Variants in KLRG1 observed in about 807,000 individuals in gnomAD.
KLRG1 encodes the protein killer cell lectin-like receptor subfamily G member 1.
Under a neutral mutation model 21.8 loss-of-function variants are expected in KLRG1, and 16 were observed. The ratio of observed to expected loss-of-function variants is 0.73; its 90% CI spans 0.50 to 1.11. KLRG1 has a LOEUF of 1.11. Ranked by LOEUF, KLRG1 falls within the 50% of genes most tolerant of loss-of-function variation. The probability of loss-of-function intolerance (pLI) is 0.00; values close to 1 mark genes in which losing one functional copy is unlikely to be tolerated. For missense variants in KLRG1, 173 were observed against 218.3 expected, an observed-to-expected ratio of 0.79 and a Z score of 1.31; for synonymous variants, 69 against 75.9, an observed-to-expected ratio of 0.91 and a Z score of 0.47.
chr12:8,966,071 AAAAC>A (rs1946466351), intron 1 of KLRG1, among the ~76,000 whole-genome samples: 1 of 152,190 alleles, frequency 6.6e-6, no homozygotes, highest in East Asian at 1.9e-4. Context: ...AAACCTGAGA[AAAAC>A]AAGCAATGGG....
the KLRG1 span, chr12:9,152,903 C>T: frequency 1.9e-6 from 3 of 1,614,118 alleles, no homozygotes; most frequent in Non-Finnish European, 2.5e-6. Flanking sequence ...ACTTTTAAAG[C>T]AAATGGGGAG....
chr12:9,097,412 A>G, the KLRG1 span, among the ~76,000 whole-genome samples: 22 of 152,208 alleles, frequency 1.4e-4, no homozygotes, highest in African/African-American at 4.3e-4. Flanking sequence ...ATGTGAGCAA[A>G]CTACTATTAG....
At chr12:9,159,450 T>C in the KLRG1 span, among the ~76,000 whole-genome samples, 1 of 152,036 alleles carries the variant, frequency 6.6e-6, no homozygotes, top group Admixed American at 6.5e-5. Context: ...AAAACTCATG[T>C]TAAAACTTAA....
the KLRG1 span, chr12:9,110,310 T>C: frequency 1.4e-6 from 2 of 1,466,736 alleles, no homozygotes; most frequent in South Asian, 1.3e-5. Context: ...TTCATGTTGC[T>C]TACCTGAATG....
chr12:8,979,975 A>C (rs1464324078), intron 1 of KLRG1, among the ~76,000 whole-genome samples: 1 of 152,126 alleles, frequency 6.6e-6, no homozygotes. Flanking sequence ...ATCATGGCTC[A>C]CTGCAACCTC....
chr12:9,026,530 G>A, the KLRG1 span, among the ~76,000 whole-genome samples: 1 of 152,102 alleles, frequency 6.6e-6, no homozygotes, highest in Non-Finnish European at 1.5e-5. Context: ...TTTTTGTGGG[G>A]GAAGAAGGAT....
intron 1 of KLRG1, among the ~76,000 whole-genome samples, chr12:8,975,056 T>G (rs754664352): frequency 6.6e-6 from 1 of 151,892 alleles, no homozygotes; most frequent in African/African-American, 2.4e-5. Context: ...TCACCATGCC[T>G]GGCTAATTTT....
At chr12:9,122,951 A>G in the KLRG1 span, among the ~76,000 whole-genome samples, 1 of 152,170 alleles carries the variant, frequency 6.6e-6, no homozygotes, top group Non-Finnish European at 1.5e-5. Flanking sequence ...AGTAATTATA[A>G]ATAACTATTT....
At chr12:9,063,591 T>C in the KLRG1 span, among the ~76,000 whole-genome samples, 2 of 152,174 alleles carry the variant, frequency 1.3e-5, no homozygotes, top group Admixed American at 1.3e-4. Flanking sequence ...ACCAGGCTGG[T>C]GGGAAATCCA....
At chr12:8,990,675 A>G (rs1049462260) in intron 1 of KLRG1, among the ~76,000 whole-genome samples, 1 of 152,136 alleles carries the variant, frequency 6.6e-6, no homozygotes, top group African/African-American at 2.4e-5. Flanking sequence ...ATCTCAAAGT[A>G]TATGTTCAAG....
chr12:8,995,412 G>A, intron 3 of KLRG1, 124 bp downstream of exon 3: 1 of 818,912 alleles, frequency 1.2e-6, no homozygotes. Flanking sequence ...ATTTGGGGGG[G>A]ATACTATATT....
At chr12:9,042,706 T>G in the KLRG1 span, among the ~76,000 whole-genome samples, 1 of 152,152 alleles carries the variant, frequency 6.6e-6, no homozygotes, top group Admixed American at 6.5e-5. Flanking sequence ...TCTGCTGCCT[T>G]GTACTGAAAG....
the KLRG1 span, among the ~76,000 whole-genome samples, chr12:9,194,496 G>C: frequency 8.0e-6 from 1 of 125,708 alleles, no homozygotes; most frequent in Non-Finnish European, 1.6e-5. Flanking sequence ...ACGGAGTCTC[G>C]CTCTGTCGCC....
At chr12:9,130,225 A>C in the KLRG1 span, among the ~76,000 whole-genome samples, 6 of 152,116 alleles carry the variant, frequency 3.9e-5, no homozygotes, top group African/African-American at 1.4e-4. Flanking sequence ...GCTCGCTTTT[A>C]CTTCTTGGTT....
the KLRG1 span, chr12:9,169,016 A>C: frequency 7.1e-7 from 1 of 1,399,880 alleles, no homozygotes; most frequent in Non-Finnish European, 1.0e-6. Context: ...AAGCTTGATT[A>C]GAATATATAA....
the KLRG1 span, among the ~76,000 whole-genome samples, chr12:9,159,157 C>T: frequency 6.6e-6 from 1 of 152,048 alleles, no homozygotes; most frequent in African/African-American, 2.4e-5. Context: ...ATTTTTCTAA[C>T]ACCTCTTAGG....
At chr12:9,090,027 A>T in the KLRG1 span, 234,082 of 1,572,536 alleles carry the variant, frequency 0.15, 18,262 homozygotes, top group African/African-American at 0.21. Flanking sequence ...ACATTTCCTG[A>T]AAAAAAAGGC....
chr12:9,067,447 C>T, the KLRG1 span: 1 of 292,656 alleles, frequency 3.4e-6, no homozygotes, highest in South Asian at 3.9e-5. Flanking sequence ...TTTATTTTCT[C>T]ATAAAAATTC....
the KLRG1 span, among the ~76,000 whole-genome samples, chr12:9,146,710 T>C: frequency 6.6e-6 from 1 of 152,170 alleles, no homozygotes; most frequent in Non-Finnish European, 1.5e-5. Context: ...CTTTCTCTTC[T>C]CAGGGAGAAG....
Sources: allele counts gnomAD v4.1 joint callset (sites outside exome capture counted in the v4.1 genomes callset), GRCh38; gene constraint gnomAD v4.1.1; transcripts MANE v1.5; gene names NCBI Gene and HGNC (gene_info 2026-07-23, HGNC 2026-07-21).